NTM: variants seen among roughly 807,000 people sequenced by gnomAD.
NTM encodes IgLON family member 2.
NTM carries 13 observed loss-of-function variants against 42.1 expected under a neutral mutation model. That is an observed-to-expected ratio of 0.31 (90% confidence interval 0.20 to 0.49). The LOEUF is 0.49. NTM is among the 20% of genes least tolerant of loss of function. The pLI is 0.99. For missense variants in NTM, 373 were observed against 452.8 expected, an observed-to-expected ratio of 0.82 and a Z score of 1.60; for synonymous variants, 187 against 179.2, an observed-to-expected ratio of 1.04 and a Z score of -0.35.
intron 1 of NTM, among the ~76,000 whole-genome samples, chr11:131,377,306 T>A (rs566960710): frequency 6.6e-6 from 1 of 152,180 alleles, no homozygotes. Flanking sequence ...GTCTTTGTGG[T>A]CATTGTCTTG....
At chr11:131,923,111 A>G (rs1319816599) in intron 2 of NTM, among the ~76,000 whole-genome samples, 2 of 151,978 alleles carry the variant, frequency 1.3e-5, no homozygotes, top group Non-Finnish European at 2.9e-5. Context: ...CCATGTCCTC[A>G]GCCCCCATCT....
intron 4 of NTM, among the ~76,000 whole-genome samples, chr11:132,291,854 A>T (rs760732264): frequency 6.6e-6 from 1 of 152,180 alleles, no homozygotes; most frequent in Non-Finnish European, 1.5e-5. Context: ...TCATTCAGTG[A>T]CTTTGGAATG....
intron 1 of NTM, among the ~76,000 whole-genome samples, chr11:131,686,170 C>T (rs2073846161): frequency 6.6e-6 from 1 of 152,250 alleles, no homozygotes; most frequent in African/African-American, 2.4e-5. Flanking sequence ...AACTTGCTCA[C>T]CATCCTGTCA....
chr11:132,259,616 G>T lies in NTM; in HGVS notation c.526+47469G>T, dbSNP rs959116942. Among the ~76,000 whole-genome samples, 3 of 152,180 alleles carry T rather than the reference G, an allele frequency of 2.0e-5. No individual in the cohort carries two copies. The East Asian group carries it at 5.9e-4, about 30-fold the overall frequency. On this transcript the variant is annotated intron_variant, in intron 4 of 8. Transcript: ENST00000683400. The stretch of plus-strand genomic sequence containing the variant: ...AATCGTTTGAACCCGGGAGGCAGAG[G>T]TTTCAGTGAGCTGAGATTGCGCCAC...
At chr11:132,287,158 CTTAGGCCCT>C (rs1222052042) in intron 4 of NTM, among the ~76,000 whole-genome samples, 1 of 152,166 alleles carries the variant, frequency 6.6e-6, no homozygotes, top group Non-Finnish European at 1.5e-5. Flanking sequence ...CTAACCAGTC[CTTAGGCCCT>C]TTAGGCAAGG....
At position 132,302,571 on chromosome 11, in the gene NTM, C is replaced by T. The variant is rs962093213; in HGVS notation, c.527-5118C>T. 1.9e-4 allele frequency among the ~76,000 whole-genome samples: 29 copies of T among 152,072 alleles called. 1 individual carries two copies. The highest frequency in any genetic ancestry group is 6.3e-4 in the African/African-American group (26 of 41,416). On this transcript the variant is annotated intron_variant, in intron 4 of 8. Coordinates refer to ENST00000683400, the MANE Select transcript of NTM (RefSeq NM_001352005.2). ...ATTCAACGTGTTGTTCTGGGTCTGT[C>T]AGCCAGAAGTTAGTCAATAAGAAGT...
chr11:131,850,451 C>G (rs1348320522), intron 1 of NTM, among the ~76,000 whole-genome samples: 1 of 152,068 alleles, frequency 6.6e-6, no homozygotes, highest in Non-Finnish European at 1.5e-5. Flanking sequence ...GACTCTTGGC[C>G]CCTGCAGAAT....
intron 3 of NTM, among the ~76,000 whole-genome samples, chr11:132,156,875 G>A (rs2073305291): frequency 6.6e-6 from 1 of 152,174 alleles, no homozygotes. Flanking sequence ...CAAAAGGGAG[G>A]CAGAGGAAGA....
intron 2 of NTM, among the ~76,000 whole-genome samples, chr11:132,032,266 G>A (rs2076026151): frequency 6.6e-6 from 1 of 152,130 alleles, no homozygotes; most frequent in African/African-American, 2.4e-5. Context: ...GTGATGCTCT[G>A]GCTTTGTCTC....
intron 1 of NTM, among the ~76,000 whole-genome samples, chr11:131,744,184 G>A (rs2081517487): frequency 6.6e-6 from 1 of 152,146 alleles, no homozygotes; most frequent in Admixed American, 6.6e-5. Flanking sequence ...GAGCCATTGA[G>A]AGGATTAATT....
At chr11:132,063,435 G>C (rs867885455) in intron 2 of NTM, among the ~76,000 whole-genome samples, 1 of 152,244 alleles carries the variant, frequency 6.6e-6, no homozygotes, top group African/African-American at 2.4e-5. Flanking sequence ...AAATCAGCTG[G>C]TGTGACTTCT....
intron 2 of NTM, among the ~76,000 whole-genome samples, chr11:132,137,890 C>A (rs577321547): frequency 2.6e-5 from 4 of 152,198 alleles, no homozygotes; most frequent in African/African-American, 4.8e-5. Context: ...GGTGGACTTG[C>A]GGACACACAG....
chr11:131,598,783 TTC>T (rs1491029126), intron 1 of NTM, among the ~76,000 whole-genome samples: 6 of 87,454 alleles, frequency 6.9e-5, no homozygotes, highest in African/African-American at 2.6e-4. Flanking sequence ...TCTTTCTTTC[TTC>T]TTTCTTTCTT....
intron 1 of NTM, among the ~76,000 whole-genome samples, chr11:131,421,535 A>T (rs1000514352): frequency 6.6e-5 from 10 of 152,208 alleles, no homozygotes; most frequent in African/African-American, 9.7e-5. Context: ...CAGGGGCTTA[A>T]TTAGGACTCA....
chr11:131,613,014 G>T (rs980957758), intron 1 of NTM, among the ~76,000 whole-genome samples: 1 of 152,222 alleles, frequency 6.6e-6, no homozygotes, highest in East Asian at 1.9e-4. Flanking sequence ...GTTCCCTGGG[G>T]CCAGGCACAT....
intron 1 of NTM, among the ~76,000 whole-genome samples, chr11:131,439,698 T>C (rs758462792): frequency 5.3e-5 from 8 of 152,200 alleles, no homozygotes; most frequent in Non-Finnish European, 1.0e-4. Flanking sequence ...GTCCCGTTTT[T>C]CCAGGTACCA....
intron 1 of NTM, among the ~76,000 whole-genome samples, chr11:131,880,041 A>G (rs1458647950): frequency 1.3e-5 from 2 of 152,188 alleles, no homozygotes; most frequent in Non-Finnish European, 2.9e-5. Context: ...GAGGCTGGAG[A>G]CATCGAAACA....
chr11:131,627,567 C>T (rs1267158714), intron 1 of NTM, among the ~76,000 whole-genome samples: 1 of 152,096 alleles, frequency 6.6e-6, no homozygotes, highest in Non-Finnish European at 1.5e-5. Flanking sequence ...CAAGGTGGCT[C>T]ATGCCTATAA....
chr11:131,437,516 T>C lies in NTM; in HGVS notation c.82+66628T>C, dbSNP rs1949246712. Among the ~76,000 whole-genome samples, 8 of 152,328 alleles carry C rather than the reference T, an allele frequency of 5.3e-5. No individual in the cohort carries two copies. In the South Asian group the frequency reaches 1.5e-3, roughly 28 times the overall value. On this transcript the variant is annotated intron_variant, in intron 1 of 8. Coordinates refer to ENST00000683400, the MANE Select transcript of NTM (RefSeq NM_001352005.2). ...AGGATAGTTAGCTCTTCTTGTTGAATTGATCCCTTTATCATTATGTAATGG... is the reference window on the plus strand; with the variant it reads ...AGGATAGTTAGCTCTTCTTGTTGAACTGATCCCTTTATCATTATGTAATGG...
Sources: gnomAD v4.1 joint callset for allele counts (sites outside exome capture counted in the v4.1 genomes callset) on GRCh38, gnomAD v4.1.1 for gene constraint, MANE v1.5 for transcripts, NCBI Gene and HGNC (gene_info 2026-07-23, HGNC 2026-07-21) for gene names.